Variants in NFASC observed in about 807,000 individuals in gnomAD.
The protein encoded by NFASC is neurofascin.
NFASC carries 43 observed loss-of-function variants against 147.5 expected under a neutral mutation model. The observed-to-expected ratio is 0.29, with a 90% CI of 0.23 to 0.38. NFASC has a LOEUF of 0.38. Ranked by LOEUF, NFASC falls within the 10% of genes least tolerant of loss-of-function variation. The pLI is 1.00. For missense variants in NFASC, 1,320 were observed against 1,689.0 expected (o/e 0.78, Z 3.83); for synonymous variants, 622 against 665.5 (o/e 0.93, Z 1.01).
intron 17 of NFASC, among the ~76,000 whole-genome samples, chr1:204,978,135 A>G (rs956343223): frequency 3.3e-5 from 5 of 152,234 alleles, no homozygotes; most frequent in Admixed American, 6.5e-5. Flanking sequence ...CTACACACAC[A>G]TGCCACACAT....
At chr1:204,955,521 A>G (rs1038778292) in intron 7 of NFASC, among the ~76,000 whole-genome samples, 1 of 152,180 alleles carries the variant, frequency 6.6e-6, no homozygotes, top group South Asian at 2.1e-4. Flanking sequence ...TAAAGGAGTG[A>G]TGGGGAGATA....
In NFASC at chr1:204,923,650, G is replaced by A. The variant is rs1322185762; in HGVS notation, c.-91+2910G>A. ...GACACACAACTGTGGATCACTGAGG[G>A]TGGGACCATGGAGCTTCATTAGGAA... On this transcript the variant is annotated intron_variant, in intron 2 of 29. Coordinates refer to ENST00000339876, the MANE Select transcript of NFASC (RefSeq NM_001005388.3). Among the ~76,000 whole-genome samples the A allele has an allele frequency of 7.9e-5, 12 of 152,204 alleles. No homozygotes were observed. The East Asian group carries it at 2.1e-3, about 27-fold the overall frequency.
intron 1 of NFASC, among the ~76,000 whole-genome samples, chr1:204,883,285 G>A (rs1360748677): frequency 6.6e-6 from 1 of 152,190 alleles, no homozygotes; most frequent in African/African-American, 2.4e-5. Context: ...GATAGAACAA[G>A]GTGCAGAGTT....
chr1:205,002,673 A>G lies in NFASC; in HGVS notation c.3214A>G (p.Thr1072Ala). 1 of 1,589,548 alleles carries G rather than the reference A, an allele frequency of 6.3e-7. No individual in the cohort carries two copies. Among genetic ancestry groups the G allele is most frequent in the Non-Finnish European group, 8.6e-7 (1 of 1,161,620 alleles). The change falls in exon 27 of 30, where the codon ACA (threonine) becomes GCA (alanine). Residue 1072 changes from threonine to alanine, a missense_variant. Physicochemically the swap from Thr to Ala is moderately conservative, Grantham distance 58. This residue lies in a region of NFASC where 167 missense variants were observed against 233.8 expected (regional missense o/e 0.71). Transcript: ENST00000339876. ...GCTGACAGACCTCTATCCCGGGATGACATACACGTTGCGGGTTTATTCCCG... is the reference window on the plus strand; with the variant it reads ...GCTGACAGACCTCTATCCCGGGATGGCATACACGTTGCGGGTTTATTCCCG... ...IQLTDLYPGMTYTLRVYSRDN... is the reference protein window; with the variant it reads ...IQLTDLYPGMAYTLRVYSRDN...
chr1:204,997,098 C>T (rs566398703), intron 24 of NFASC, 72 bp from the exon 25 acceptor site: 118 of 1,555,932 alleles, frequency 7.6e-5, no homozygotes, highest in African/African-American at 5.0e-4. Flanking sequence ...CTGCCTTGCA[C>T]GCGGGGGCCG....
At chr1:205,004,953 C>G (rs2096073254) in intron 27 of NFASC, among the ~76,000 whole-genome samples, 1 of 152,226 alleles carries the variant, frequency 6.6e-6, no homozygotes, top group Non-Finnish European at 1.5e-5. Context: ...TAACCCTGGA[C>G]TCCAAGAGGC....
chr1:204,923,083 G>A (rs908207046), intron 2 of NFASC, among the ~76,000 whole-genome samples: 1 of 152,204 alleles, frequency 6.6e-6, no homozygotes, highest in African/African-American at 2.4e-5. Flanking sequence ...AAATCCTGTG[G>A]TCCAACTCTG....
rs936873168 is a variant in NFASC at position 204,986,565 on chromosome 1, G to C, written c.2471-853G>C. ...GGCCTGTGTGTGCGGTGGCTCTGCA[G>C]AGGGATACCCAAGTATAGCCCCGCC... is the stretch of plus-strand genomic sequence containing the variant. On this transcript the variant is annotated intron_variant, in intron 21 of 29. Coordinates refer to ENST00000339876, the MANE Select transcript of NFASC (RefSeq NM_001005388.3). This position sits in a 1 kb window ranked among gnomAD's most constrained non-coding sequence, Gnocchi z 4.2. 4.9e-6 allele frequency: 1 copy of C among 205,466 alleles called. No homozygotes were observed. Among genetic ancestry groups the C allele is most frequent in the Non-Finnish European group, 1.0e-5 (1 of 99,014 alleles). 12.7% of individuals were successfully genotyped at this position (205,466 alleles called of 1,614,324 possible).
intron 1 of NFASC, among the ~76,000 whole-genome samples, chr1:204,918,350 A>G (rs541894524): frequency 2.6e-4 from 40 of 152,236 alleles, no homozygotes; most frequent in African/African-American, 9.1e-4. Flanking sequence ...TTCTCAAAAC[A>G]TGGATTTTTT....
chr1:205,009,768 CG>C, intron 28 of NFASC, 80 bp downstream of exon 28: 2 of 1,448,738 alleles, frequency 1.4e-6, no homozygotes, highest in East Asian at 2.4e-5. Context: ...CAGCCAGATC[CG>C]GGGAATGTGT....
Position 204,968,313 on chromosome 1 carries a change from G to A in NFASC, c.771G>A (p.Met257Ile), listed in dbSNP as rs751463001. The change falls in exon 9 of 30, where the codon ATG (methionine) becomes ATA (isoleucine). Residue 257 changes from methionine to isoleucine, a missense_variant. Coordinates refer to ENST00000339876, the MANE Select transcript of NFASC (RefSeq NM_001005388.3). This position sits in a 1 kb window ranked among gnomAD's most constrained non-coding sequence, Gnocchi z 5.4. ...MYPQGTASSQ[M>I]VLRGMDLLLE... is the part of the protein sequence containing the mutation. ...CCCAGGGCACCGCGAGCAGCCAGAT[G>A]GTGCTTCGTGGCATGGACCTCCTGC... The A allele has an allele frequency of 6.2e-6, 10 of 1,614,214 alleles. 1 individual carries two copies. In the South Asian group the frequency reaches 1.1e-4, roughly 18 times the overall value.
chr1:205,019,378 G>C lies in NFASC; in HGVS notation c.*2839G>C, dbSNP rs1476002453. ...CTGTCTGGCTGGGAGGAAAGTGCTG[G>C]GCATCTTACAGTAACTCTAGAAGTT... On this transcript the variant is annotated 3_prime_UTR_variant, in exon 30 of 30. Transcript: ENST00000339876. 1 of 152,246 alleles carries C rather than the reference G, an allele frequency of 6.6e-6. No homozygotes were observed. The highest frequency in any genetic ancestry group is 2.4e-5 in the African/African-American group (1 of 41,450). 9.4% of individuals were successfully genotyped at this position (152,246 alleles called of 1,614,324 possible). A position where few individuals can be genotyped will look rare whatever the true frequency, so the allele number is the denominator to read the frequency against.
intron 1 of NFASC, among the ~76,000 whole-genome samples, chr1:204,863,871 G>A (rs1470839490): frequency 1.5e-4 from 18 of 117,968 alleles, no homozygotes; most frequent in African/African-American, 2.2e-4. Flanking sequence ...AAAGAAAGAA[G>A]GAAAAGAAAG....
chr1:204,924,052 C>G (rs941758064), intron 2 of NFASC, among the ~76,000 whole-genome samples: 1 of 152,260 alleles, frequency 6.6e-6, no homozygotes, highest in Non-Finnish European at 1.5e-5. Flanking sequence ...ACCACTGGAG[C>G]TAAGAGTCTT....
At chr1:204,908,555 A>T (rs1558060972) in intron 1 of NFASC, among the ~76,000 whole-genome samples, 3 of 152,144 alleles carry the variant, frequency 2.0e-5, no homozygotes, top group African/African-American at 4.8e-5. Context: ...GTTGTAGCAG[A>T]TAACACTACT....
chr1:204,888,253 T>C (rs1050734297), intron 1 of NFASC, among the ~76,000 whole-genome samples: 1 of 152,194 alleles, frequency 6.6e-6, no homozygotes, highest in Non-Finnish European at 1.5e-5. Flanking sequence ...CAGAACCAAG[T>C]CTGGAACCAA....
intron 2 of NFASC, among the ~76,000 whole-genome samples, chr1:204,925,994 G>A (rs1393272456): frequency 1.3e-5 from 2 of 152,094 alleles, no homozygotes; most frequent in Non-Finnish European, 2.9e-5. Flanking sequence ...GGCCATTCTA[G>A]AGCCACCTTC....
At chr1:204,890,801 C>G (rs2082237324) in intron 1 of NFASC, among the ~76,000 whole-genome samples, 1 of 151,942 alleles carries the variant, frequency 6.6e-6, no homozygotes, top group South Asian at 2.1e-4. Flanking sequence ...AACTTCTGAC[C>G]TCGGGTGATC....
intron 3 of NFASC, 35 bp from the exon 4 acceptor site, chr1:204,950,522 C>T (rs758645197): frequency 6.2e-7 from 1 of 1,604,728 alleles, no homozygotes; most frequent in East Asian, 2.2e-5. Context: ...TTCTTCTTTT[C>T]TCCCTCTCCA....
Sources: gnomAD v4.1 joint callset for allele counts (sites outside exome capture counted in the v4.1 genomes callset) on GRCh38, gnomAD v4.1.1 for gene constraint, gnomAD v4.1.1 regional missense constraint, Gnocchi (gnomAD v3.1) non-coding constraint, MANE v1.5 for transcripts, NCBI Gene and HGNC (gene_info 2026-07-23, HGNC 2026-07-21) for gene names.